Variants in ARSG observed in about 807,000 individuals in gnomAD.
The protein encoded by ARSG is arylsulfatase G.
In ARSG, 37 loss-of-function variants were observed where a neutral mutation model predicts 50.5. The observed-to-expected ratio is 0.73, with a 90% CI of 0.56 to 0.96. The LOEUF (loss-of-function observed/expected upper bound fraction) is 0.96. Among genes scored for constraint, ARSG ranks in the 50% least tolerant of loss-of-function variants. ARSG has a pLI of 0.00. For missense variants in ARSG, 629 were observed against 675.3 expected (o/e 0.93, Z 0.76); for synonymous variants, 225 against 254.6 (o/e 0.88, Z 1.11).
At chr17:68,373,233 AT>A (rs35645634) in intron 8 of ARSG, among the ~76,000 whole-genome samples, 69,810 of 135,806 alleles carry the variant, frequency 0.51, 17,608 homozygotes, top group African/African-American at 0.65. Context: ...TTATTTTTCA[AT>A]TTTTTTTTTT....
rs2076644241 is a variant in ARSG at position 68,307,318 on chromosome 17, A to G, written c.-176A>G. 6.8e-6 allele frequency: 4 copies of G among 590,894 alleles called. No homozygotes were observed. The highest frequency in any genetic ancestry group is 3.1e-5 in the Admixed American group (1 of 32,644). The allele number at this position is 590,894 out of a possible 1,614,324, so 36.6% of individuals were successfully genotyped here. A position where few individuals can be genotyped will look rare whatever the true frequency, so the allele number is the denominator to read the frequency against. ...GGGGGCCTCATTTCTACAGCCCCCA[A>G]CATTCCTATAGCCGTTATCACTGCC... On this transcript the variant is annotated 5_prime_UTR_variant, in exon 2 of 12. Coordinates refer to ENST00000621439, the MANE Select transcript of ARSG (RefSeq NM_001267727.2).
At chr17:68,302,753 G>C (rs538550866) in intron 1 of ARSG, among the ~76,000 whole-genome samples, 6 of 152,296 alleles carry the variant, frequency 3.9e-5, no homozygotes, top group African/African-American at 1.4e-4. Context: ...AGTTCACTCT[G>C]CTCCTGCTTG....
chr17:68,421,587 T>G, downstream of ARSG: 1 of 722,860 alleles, frequency 1.4e-6, no homozygotes, highest in Non-Finnish European at 2.4e-6. Flanking sequence ...CCCGCGCCCA[T>G]TGGCAACCAG....
chr17:68,404,830 A>G (rs953256334), intron 11 of ARSG, among the ~76,000 whole-genome samples: 1 of 152,136 alleles, frequency 6.6e-6, no homozygotes, highest in African/African-American at 2.4e-5. Context: ...TTATATTTAG[A>G]TCTCTGATCC....
intron 1 of ARSG, among the ~76,000 whole-genome samples, chr17:68,303,510 GC>G (rs1382087707): frequency 6.6e-6 from 1 of 151,952 alleles, no homozygotes; most frequent in Non-Finnish European, 1.5e-5. Flanking sequence ...GTGCAGTGGC[GC>G]AATCTCAGCT....
chr17:68,299,785 C>T (rs1172807713), intron 1 of ARSG, among the ~76,000 whole-genome samples: 9 of 152,002 alleles, frequency 5.9e-5, no homozygotes, highest in African/African-American at 2.2e-4. Context: ...TAATGGAGGA[C>T]ATTTGAACTC....
At chr17:68,305,939 T>A (rs1247256513) in intron 1 of ARSG, among the ~76,000 whole-genome samples, 1 of 151,956 alleles carries the variant, frequency 6.6e-6, no homozygotes, top group Admixed American at 6.6e-5. Context: ...AGCTGGGGTG[T>A]GTTGGTGGGC....
chr17:68,272,852 G>C (rs1555749516), intron 1 of ARSG: 2 of 1,559,684 alleles, frequency 1.3e-6, no homozygotes, highest in Non-Finnish European at 1.7e-6. Context: ...GGGATTTTTG[G>C]TTTTGCTTTT....
At position 68,420,520 on chromosome 17, in the gene ARSG, C is replaced by G; in HGVS notation, c.*57C>G. The G allele has an allele frequency of 6.4e-7, 1 of 1,566,850 alleles. No homozygotes were observed. The highest frequency in any genetic ancestry group is 8.7e-7 in the Non-Finnish European group (1 of 1,147,706). On this transcript the variant is annotated 3_prime_UTR_variant, in exon 12 of 12. Transcript: ENST00000621439. ...CCTGGAAATTAGGCAAGTTTGCTTC[C>G]AAATTTCATTTTTACCCTCTTTACA...
chr17:68,265,941 T>C (rs573121081), intron 1 of ARSG, among the ~76,000 whole-genome samples: 5 of 152,320 alleles, frequency 3.3e-5, no homozygotes, highest in Admixed American at 2.0e-4. Flanking sequence ...AGAGGCCTCA[T>C]GGCCTGCAAA....
intron 1 of ARSG, among the ~76,000 whole-genome samples, chr17:68,304,337 A>G (rs1178399866): frequency 6.6e-6 from 1 of 152,232 alleles, no homozygotes; most frequent in Non-Finnish European, 1.5e-5. Flanking sequence ...AACAAATACC[A>G]GTTGAGTCTA....
chr17:68,406,605 G>T (rs1240903206), intron 11 of ARSG, among the ~76,000 whole-genome samples: 1 of 152,098 alleles, frequency 6.6e-6, no homozygotes. Flanking sequence ...TCATATTGTG[G>T]TTTTGATTTG....
At chr17:68,259,507 T>G (rs1222794903) in intron 1 of ARSG, 2 of 152,234 alleles carry the variant, frequency 1.3e-5, no homozygotes, top group African/African-American at 2.4e-5. Flanking sequence ...TTGTAGATTC[T>G]GATATCTAGA....
At chr17:68,442,879 C>T in the ARSG span, among the ~76,000 whole-genome samples, 748 of 152,278 alleles carry the variant, frequency 4.9e-3, 1 homozygote, top group Non-Finnish European at 7.3e-3. Flanking sequence ...ATTTTGGGCT[C>T]CTGGTATGAG....
chr17:68,416,618 G>A (rs1482812288), intron 11 of ARSG, among the ~76,000 whole-genome samples: 1 of 152,050 alleles, frequency 6.6e-6, no homozygotes, highest in African/African-American at 2.4e-5. Context: ...CTTAGATTTG[G>A]TCGTTTAACA....
the ARSG span, among the ~76,000 whole-genome samples, chr17:68,427,996 TC>T: frequency 6.6e-6 from 1 of 152,066 alleles, no homozygotes; most frequent in South Asian, 2.1e-4. Context: ...GCTCAGGTGA[TC>T]CCCCCACCTC....
At chr17:68,361,414 T>C (rs1450831669) in intron 6 of ARSG, among the ~76,000 whole-genome samples, 1 of 152,118 alleles carries the variant, frequency 6.6e-6, no homozygotes, top group Admixed American at 6.5e-5. Flanking sequence ...TCCCAGCCTC[T>C]AGAACTGGGA....
intron 2 of ARSG, among the ~76,000 whole-genome samples, chr17:68,311,273 C>G (rs1180502704): frequency 6.6e-6 from 1 of 152,184 alleles, no homozygotes; most frequent in African/African-American, 2.4e-5. Context: ...TCCTGGTGCA[C>G]TCTCCACTTC....
upstream of ARSG, among the ~76,000 whole-genome samples, chr17:68,287,940 CTTCTCTCTCTCT>C (rs1183247668): frequency 5.3e-5 from 8 of 150,576 alleles, no homozygotes; most frequent in East Asian, 1.9e-4. Flanking sequence ...CTCTTCTTCT[CTTCTCTCTCTCT>C]TTCTCTCTCT....
Sources: gnomAD v4.1 joint callset for allele counts (sites outside exome capture counted in the v4.1 genomes callset) on GRCh38, gnomAD v4.1.1 for gene constraint, MANE v1.5 for transcripts, NCBI Gene and HGNC (gene_info 2026-07-23, HGNC 2026-07-21) for gene names.